Variants in NFIC observed in about 807,000 individuals in gnomAD.
The protein encoded by NFIC is nuclear factor I C, also known as nuclear factor 1 C-type.
NFIC carries 12 observed loss-of-function variants against 54.4 expected under a neutral mutation model. The ratio of observed to expected loss-of-function variants is 0.22; its 90% CI spans 0.14 to 0.36. The LOEUF (loss-of-function observed/expected upper bound fraction) is 0.36. Ranked by LOEUF, NFIC falls within the 10% of genes least tolerant of loss-of-function variation. The pLI is 1.00. For missense variants in NFIC, 575 were observed against 718.2 expected, an observed-to-expected ratio of 0.80 and a Z score of 2.28; for synonymous variants, 322 against 319.2, an observed-to-expected ratio of 1.01 and a Z score of -0.09.
chr19:3,412,323 C>G (rs1017756806), intron 2 of NFIC, among the ~76,000 whole-genome samples: 9 of 152,284 alleles, frequency 5.9e-5, no homozygotes, highest in Admixed American at 5.9e-4. Context: ...TCTTAGCTCA[C>G]TGCAGACTCA....
chr19:3,442,772 A>T (rs1325706442), intron 6 of NFIC, among the ~76,000 whole-genome samples: 2 of 149,818 alleles, frequency 1.3e-5, no homozygotes, highest in Non-Finnish European at 3.0e-5. Flanking sequence ...CTCCACCTCC[A>T]CCCCCCCTTG....
In NFIC at chr19:3,416,887, T is replaced by C. The variant is rs1298732430; in HGVS notation, c.563-8219T>C. Among the ~76,000 whole-genome samples, 6 of 42,822 alleles carry C rather than the reference T, an allele frequency of 1.4e-4. No individual in the cohort carries two copies. In the African/African-American group the frequency reaches 2.6e-3, roughly 19 times the overall value. The allele number at this position is 42,822 out of a possible 152,430, so 28.1% of individuals were successfully genotyped here. On this transcript the variant is annotated intron_variant, in intron 2 of 10. Coordinates refer to ENST00000443272, the MANE Select transcript of NFIC (RefSeq NM_001245002.2). Reference sequence around the variant, plus strand: ...TGGCTCACGCCTGTAATCCCAGTGCTTTTTTTTTTTTTTTGAGATGGAGTC... The same window carrying C: ...TGGCTCACGCCTGTAATCCCAGTGCCTTTTTTTTTTTTTTGAGATGGAGTC...
chr19:3,408,656 C>G (rs997582113), intron 2 of NFIC, among the ~76,000 whole-genome samples: 10 of 152,292 alleles, frequency 6.6e-5, no homozygotes, highest in South Asian at 6.2e-4. Flanking sequence ...GAGTCTCACT[C>G]TGTCGCGCCA....
At chr19:3,419,124 G>A (rs1263568262) in intron 2 of NFIC, among the ~76,000 whole-genome samples, 1 of 152,110 alleles carries the variant, frequency 6.6e-6, no homozygotes, top group Non-Finnish European at 1.5e-5. Context: ...TTTCAGTTTG[G>A]GAAGAGTAGA....
intron 7 of NFIC, among the ~76,000 whole-genome samples, chr19:3,450,728 A>C (rs1386672711): frequency 6.6e-6 from 1 of 152,214 alleles, no homozygotes; most frequent in African/African-American, 2.4e-5. Context: ...GGTGAATTGT[A>C]GGAAGCCTCA....
intron 6 of NFIC, among the ~76,000 whole-genome samples, chr19:3,447,998 G>T (rs2082398299): frequency 6.6e-6 from 1 of 152,220 alleles, no homozygotes; most frequent in South Asian, 2.1e-4. Context: ...TCTGCCGCCT[G>T]GGTTCAAGCG....
chr19:3,460,236 G>A (rs537561282), intron 10 of NFIC, among the ~76,000 whole-genome samples: 1 of 152,206 alleles, frequency 6.6e-6, no homozygotes, highest in Non-Finnish European at 1.5e-5. Flanking sequence ...ATGGGCCCTG[G>A]ACGCCCAGGA....
intron 6 of NFIC, among the ~76,000 whole-genome samples, chr19:3,435,489 G>A (rs1488321203): frequency 6.6e-6 from 1 of 152,214 alleles, no homozygotes; most frequent in Non-Finnish European, 1.5e-5. Context: ...TCTCTGTGGG[G>A]TCCCCGAGCT....
In NFIC at chr19:3,424,855, C is replaced by T. The variant is rs112517497; in HGVS notation, c.563-251C>T. On this transcript the variant is annotated intron_variant, in intron 2 of 10. Coordinates refer to ENST00000443272, the MANE Select transcript of NFIC (RefSeq NM_001245002.2). ...AGAAGCGGAGGGCTTACCCAACATA[C>T]GGGTACACTGGCGCTCACAGGGCCT... Among the ~76,000 whole-genome samples, 686 of 152,326 alleles carry T rather than the reference C, an allele frequency of 4.5e-3. 6 individuals are homozygous for T. Among genetic ancestry groups the T allele is most frequent in the South Asian group, 0.017 (81 of 4,826 alleles).
chr19:3,411,533 G>A (rs989149347), intron 2 of NFIC, among the ~76,000 whole-genome samples: 12 of 151,316 alleles, frequency 7.9e-5, no homozygotes, highest in East Asian at 3.9e-4. Flanking sequence ...TCACCGTGTC[G>A]GTCAGGCTGG....
chr19:3,432,739 A>G (rs572604774), intron 3 of NFIC, among the ~76,000 whole-genome samples: 1 of 149,872 alleles, frequency 6.7e-6, no homozygotes, highest in East Asian at 2.0e-4. Flanking sequence ...CAGTGGCGCA[A>G]TCTCGGCTCA....
At chr19:3,381,481 G>C (rs1454225873) in intron 1 of NFIC, among the ~76,000 whole-genome samples, 1 of 151,836 alleles carries the variant, frequency 6.6e-6, no homozygotes, top group Non-Finnish European at 1.5e-5. Flanking sequence ...TTGCTCATCT[G>C]GGCGATGGGT....
At chr19:3,462,406 T>C (rs1440929881) in intron 10 of NFIC, among the ~76,000 whole-genome samples, 1 of 152,080 alleles carries the variant, frequency 6.6e-6, no homozygotes, top group Non-Finnish European at 1.5e-5. Context: ...ATAAATAAAA[T>C]ATAAAATACA....
rs139613173 is a variant in NFIC at position 3,457,383 on chromosome 19, A to G, written c.1509+748A>G. On this transcript the variant is annotated intron_variant, in intron 10 of 10. Coordinates refer to ENST00000443272, the MANE Select transcript of NFIC (RefSeq NM_001245002.2). ...GGAAGTCAATTGCCTGAGGCTGCAC[A>G]GTAGTCTAGGGAGTGGGGGCGTGGG... Among the ~76,000 whole-genome samples, 557 of 152,226 alleles carry G rather than the reference A, an allele frequency of 3.7e-3. 4 individuals are homozygous for G. Among genetic ancestry groups the G allele is most frequent in the African/African-American group, 0.013 (530 of 41,540 alleles).
rs1207953824 is a variant in NFIC at position 3,464,561 on chromosome 19, T to C, written c.*1792T>C. On this transcript the variant is annotated 3_prime_UTR_variant, in exon 11 of 11. Coordinates refer to ENST00000443272, the MANE Select transcript of NFIC (RefSeq NM_001245002.2). Reference sequence around the variant, plus strand: ...CCCAGCCCCAACTGACCTCCATGCCTAGGGAAAAACTCCCCCCACCACTGC... The same window carrying C: ...CCCAGCCCCAACTGACCTCCATGCCCAGGGAAAAACTCCCCCCACCACTGC... 5 of 777,164 alleles carry C rather than the reference T, an allele frequency of 6.4e-6. No homozygotes were observed. The highest frequency in any genetic ancestry group is 7.2e-6 in the Non-Finnish European group (5 of 691,820). 48.1% of individuals were successfully genotyped at this position (777,164 alleles called of 1,614,324 possible).
chr19:3,437,967 A>C (rs2082231553), intron 6 of NFIC, among the ~76,000 whole-genome samples: 1 of 152,096 alleles, frequency 6.6e-6, no homozygotes. Flanking sequence ...AAGTGCTGGC[A>C]TTACAGGTGT....
chr19:3,379,436 C>T (rs2081161835), intron 1 of NFIC, among the ~76,000 whole-genome samples: 1 of 151,448 alleles, frequency 6.6e-6, no homozygotes, highest in Admixed American at 6.6e-5. Context: ...CTCACTGCAA[C>T]CTCTGCCTCC....
chr19:3,460,577 G>C (rs571398195), intron 10 of NFIC, among the ~76,000 whole-genome samples: 1 of 151,960 alleles, frequency 6.6e-6, no homozygotes, highest in Non-Finnish European at 1.5e-5. Context: ...GCAATGGCAC[G>C]ATCTTGGCTG....
intron 3 of NFIC, among the ~76,000 whole-genome samples, chr19:3,429,134 TATACACACACACACAC>T (rs2082075180): frequency 3.0e-5 from 2 of 67,162 alleles, no homozygotes; most frequent in Non-Finnish European, 5.5e-5. Context: ...AAAAAAAAAA[TATACACACACACACAC>T]ACACACACAC....
Sources: gnomAD v4.1 joint callset for allele counts (sites outside exome capture counted in the v4.1 genomes callset) on GRCh38, gnomAD v4.1.1 for gene constraint, MANE v1.5 for transcripts, NCBI Gene and HGNC (gene_info 2026-07-23, HGNC 2026-07-21) for gene names.